The following SPAST variants were observed in gnomAD, a reference collection of about 807,000 sequenced individuals.
The protein encoded by SPAST is spastic paraplegia 4 (autosomal dominant; spastin).
In SPAST, 30 loss-of-function variants were observed where a neutral mutation model predicts 76.6. That is an observed-to-expected ratio of 0.39 (90% confidence interval 0.29 to 0.53). The LOEUF is 0.53. SPAST is among the 20% of genes least tolerant of loss of function. The pLI, the probability that SPAST is intolerant of heterozygous loss-of-function variation, is 0.68. For missense variants in SPAST, 717 were observed against 770.5 expected (o/e 0.93, Z 0.82); for synonymous variants, 305 against 281.0 (o/e 1.09, Z -0.86).
intron 4 of SPAST, among the ~76,000 whole-genome samples, chr2:32,110,196 G>A (rs1348198874): frequency 3.4e-5 from 5 of 145,036 alleles, no homozygotes; most frequent in Admixed American, 7.1e-5. Flanking sequence ...TTGGCTTACC[G>A]CAACCTCTGC....
In SPAST at chr2:32,154,502, T is replaced by C. The variant is rs1188907259; in HGVS notation, c.*6T>C. 3 of 1,613,476 alleles carry C rather than the reference T, an allele frequency of 1.9e-6. No homozygotes were observed. The highest frequency in any genetic ancestry group is 1.7e-5 in the Admixed American group (1 of 59,992). The stretch of plus-strand genomic sequence containing the variant: ...TTGGAGATACCACTGTTTAAGGAAA[T>C]ACCTTTGTAAACCTGCAGAACATTT... On this transcript the variant is annotated 3_prime_UTR_variant, in exon 17 of 17. Coordinates refer to ENST00000315285, the MANE Select transcript of SPAST (RefSeq NM_014946.4).
chr2:32,065,518 G>A (rs1423633712), intron 1 of SPAST, among the ~76,000 whole-genome samples: 1 of 152,112 alleles, frequency 6.6e-6, no homozygotes, highest in East Asian at 1.9e-4. Flanking sequence ...AAAGATAAAG[G>A]AGGTTATTCC....
At chr2:32,108,310 T>A (rs1254965103) in intron 4 of SPAST, among the ~76,000 whole-genome samples, 1 of 152,166 alleles carries the variant, frequency 6.6e-6, no homozygotes, top group Non-Finnish European at 1.5e-5. Flanking sequence ...TTCAGTGACT[T>A]TGAATGCAGG....
At chr2:32,146,633 A>G (rs1357294939) in intron 15 of SPAST, among the ~76,000 whole-genome samples, 3 of 152,018 alleles carry the variant, frequency 2.0e-5, no homozygotes, top group African/African-American at 7.2e-5. Flanking sequence ...TTGGGAGGCC[A>G]AGATGGGTGG....
intron 9 of SPAST, chr2:32,128,873 T>A (rs1679282913): frequency 3.8e-6 from 1 of 265,996 alleles, no homozygotes; most frequent in African/African-American, 2.3e-5. Context: ...TCTTTTGTAT[T>A]CCTTGGCTTG....
chr2:32,145,792 C>T (rs1476716892), intron 15 of SPAST, among the ~76,000 whole-genome samples: 1 of 152,166 alleles, frequency 6.6e-6, no homozygotes, highest in Non-Finnish European at 1.5e-5. Context: ...AGCTACATTT[C>T]CACAGCCAGC....
chr2:32,070,246 TTAGG>T (rs1371033035), intron 1 of SPAST, among the ~76,000 whole-genome samples: 5 of 151,822 alleles, frequency 3.3e-5, no homozygotes, highest in African/African-American at 1.2e-4. Context: ...TTTTGTATTT[TTAGG>T]AGAGACAGGG....
chr2:32,115,740 C>T lies in SPAST; in HGVS notation c.909C>T (p.Thr303=), dbSNP rs1308214637. ...CAAATAGGACAAATAAACCTTCTAC[C>T]CCTACAACTGCTACTCGTAAGAAAA... ...PKTNRTNKPS[T]PTTATRKKKD... The change falls in exon 6 of 17, where the codon ACC becomes ACT. Residue 303 remains threonine, a synonymous_variant. Transcript: ENST00000315285. The T allele has an allele frequency of 6.2e-7, 1 of 1,610,718 alleles. No individual in the cohort carries two copies. The highest frequency in any genetic ancestry group is 8.5e-7 in the Non-Finnish European group (1 of 1,177,382).
chr2:32,139,690 G>T (rs1025615069), intron 12 of SPAST, among the ~76,000 whole-genome samples: 1 of 151,874 alleles, frequency 6.6e-6, no homozygotes, highest in South Asian at 2.1e-4. Flanking sequence ...TTAGCCAGGC[G>T]TGGTGGTGGG....
intron 4 of SPAST, among the ~76,000 whole-genome samples, chr2:32,111,918 A>G (rs1678622808): frequency 6.7e-6 from 1 of 149,348 alleles, no homozygotes; most frequent in African/African-American, 2.4e-5. Context: ...TCAGAACTAT[A>G]TATTTTTAAT....
At chr2:32,154,340 C>A in intron 16 of SPAST, 34 bp from the exon 17 acceptor site, 1 of 1,591,940 alleles carries the variant, frequency 6.3e-7, no homozygotes, top group South Asian at 1.1e-5. Flanking sequence ...ACCTGTTGAT[C>A]ATTTGTATTG....
At chr2:32,068,566 C>T (rs1558609769) in intron 1 of SPAST, among the ~76,000 whole-genome samples, 1 of 152,086 alleles carries the variant, frequency 6.6e-6, no homozygotes, top group Non-Finnish European at 1.5e-5. Flanking sequence ...TCAAGTGATC[C>T]ACTCGCCTTG....
chr2:32,134,463 C>A (rs1002472599), intron 9 of SPAST, among the ~76,000 whole-genome samples: 17 of 146,952 alleles, frequency 1.2e-4, no homozygotes, highest in Non-Finnish European at 2.2e-4. Flanking sequence ...GACTCCATCT[C>A]AAAAAAAAAA....
intron 3 of SPAST, among the ~76,000 whole-genome samples, chr2:32,093,099 C>T (rs1433466757): frequency 1.2e-4 from 18 of 151,110 alleles, no homozygotes; most frequent in African/African-American, 3.9e-4. Flanking sequence ...GTCAGGAGTT[C>T]GAGACCAGCT....
chr2:32,106,162 A>G (rs367718047), intron 4 of SPAST, among the ~76,000 whole-genome samples: 2 of 152,166 alleles, frequency 1.3e-5, no homozygotes, highest in East Asian at 1.9e-4. Context: ...CAGCAATGGC[A>G]GATGCCCCCG....
intron 5 of SPAST, 55 bp from the exon 6 acceptor site, chr2:32,115,647 T>A: frequency 7.4e-7 from 1 of 1,352,590 alleles, no homozygotes; most frequent in Non-Finnish European, 1.0e-6. Flanking sequence ...AACTTATTTA[T>A]GAAAAGTGTA....
intron 4 of SPAST, among the ~76,000 whole-genome samples, chr2:32,112,015 T>G (rs6746131): frequency 7.3e-6 from 1 of 136,372 alleles, no homozygotes; most frequent in Non-Finnish European, 1.6e-5. Context: ...AGTAGTAGTT[T>G]TTTTTTTTTT....
At chr2:32,107,740 A>C (rs13392496) in intron 4 of SPAST, among the ~76,000 whole-genome samples, 2 of 152,156 alleles carry the variant, frequency 1.3e-5, no homozygotes, top group Non-Finnish European at 2.9e-5. Flanking sequence ...TACTCAACCC[A>C]TAATCTTTTC....
chr2:32,114,629 C>G lies in SPAST; in HGVS notation c.683-9C>G. On this transcript the variant is annotated splice_polypyrimidine_tract_variant and intron_variant, in intron 4 of 16. Coordinates refer to ENST00000315285, the MANE Select transcript of SPAST (RefSeq NM_014946.4). ...TCTAATCACAATGGTTTTACTTTTT[C>G]CTTGTCAGAAAGTGGAGCTGTTCCA... is the stretch of plus-strand genomic sequence containing the variant. The G allele has an allele frequency of 6.2e-7, 1 of 1,612,508 alleles. No individual in the cohort carries two copies. Among genetic ancestry groups the G allele is most frequent in the Non-Finnish European group, 8.5e-7 (1 of 1,178,640 alleles).
Sources: allele counts gnomAD v4.1 joint callset (sites outside exome capture counted in the v4.1 genomes callset), GRCh38; gene constraint gnomAD v4.1.1; transcripts MANE v1.5; gene names NCBI Gene and HGNC (gene_info 2026-07-23, HGNC 2026-07-21).